The following ASIC5 variants were observed in gnomAD, a reference collection of about 807,000 sequenced individuals.
The protein encoded by ASIC5 is acid sensing ion channel subunit family member 5.
Under a neutral mutation model 51.2 loss-of-function variants are expected in ASIC5, and 52 were observed. The ratio of observed to expected loss-of-function variants is 1.02; its 90% CI spans 0.81 to 1.28. The LOEUF is 1.28. Among genes scored for constraint, ASIC5 ranks in the 50% most tolerant of loss-of-function variants. The probability of loss-of-function intolerance (pLI) is 0.00; values close to 1 mark genes in which losing one functional copy is unlikely to be tolerated. For missense variants in ASIC5, 635 were observed against 595.0 expected (o/e 1.07, Z -0.70); for synonymous variants, 231 against 200.7 (o/e 1.15, Z -1.28).
At chr4:155,851,569 TC>T (rs1460456040) in intron 4 of ASIC5, among the ~76,000 whole-genome samples, 12 of 152,056 alleles carry the variant, frequency 7.9e-5, no homozygotes, top group Middle Eastern at 3.4e-3. Context: ...AAACAAAAGG[TC>T]AGAATTAACT....
chr4:155,855,903 G>A (rs2110745092), intron 2 of ASIC5, among the ~76,000 whole-genome samples: 1 of 152,064 alleles, frequency 6.6e-6, no homozygotes, highest in African/African-American at 2.4e-5. Flanking sequence ...ATGCAGCCGG[G>A]CCTCCTCTTG....
At chr4:155,853,902 T>C (rs1482044456) in intron 3 of ASIC5, among the ~76,000 whole-genome samples, 175 bp downstream of exon 3, 1 of 152,006 alleles carries the variant, frequency 6.6e-6, no homozygotes, top group Non-Finnish European at 1.5e-5. Context: ...AGAGGAAATT[T>C]GTCTCATGTG....
In ASIC5 at chr4:155,854,315, C is replaced by T. The variant is rs946167148; in HGVS notation, c.348-1G>A. ...TTTGGCTACAGCATCTGTTTGGAAC[C>T]TATTAGCAGGAATGAAGGCAATAGT... On this transcript the variant is annotated splice_acceptor_variant, in intron 2 of 9. Transcript: ENST00000537611. LOFTEE classifies it high-confidence loss of function. 4 of 1,576,610 alleles carry T rather than the reference C, an allele frequency of 2.5e-6. No homozygotes were observed. The African/African-American group carries it at 4.1e-5, about 16-fold the overall frequency.
At chr4:155,859,708 G>A (rs1741645314) in intron 2 of ASIC5, among the ~76,000 whole-genome samples, 1 of 151,948 alleles carries the variant, frequency 6.6e-6, no homozygotes, top group Non-Finnish European at 1.5e-5. Flanking sequence ...CTATGTCTGA[G>A]TGTTCTCCTG....
intron 2 of ASIC5, among the ~76,000 whole-genome samples, chr4:155,859,161 G>T (rs1480974326): frequency 6.6e-6 from 1 of 151,966 alleles, no homozygotes; most frequent in African/African-American, 2.4e-5. Context: ...TTTCCCTTTG[G>T]CATCGTGAGT....
At chr4:155,836,911 G>A (rs1740995215) in intron 7 of ASIC5, 54 bp from the exon 8 acceptor site, 5 of 1,318,936 alleles carry the variant, frequency 3.8e-6, no homozygotes, top group Non-Finnish European at 5.3e-6. Context: ...TTCATCATGG[G>A]TAGGATAGTT....
At chr4:155,830,531 T>C (rs1740850209) in intron 9 of ASIC5, among the ~76,000 whole-genome samples, 1 of 152,214 alleles carries the variant, frequency 6.6e-6, no homozygotes, top group African/African-American at 2.4e-5. Flanking sequence ...CATTGCCTTT[T>C]TGATATTTTA....
chr4:155,846,680 G>A (rs28833593), intron 4 of ASIC5, among the ~76,000 whole-genome samples: 9,518 of 151,968 alleles, frequency 0.063, 995 homozygotes, highest in African/African-American at 0.22. Context: ...CATGACTATC[G>A]TAGTTTTCCT....
intron 4 of ASIC5, among the ~76,000 whole-genome samples, chr4:155,846,137 C>T (rs1276514699): frequency 6.6e-6 from 1 of 151,916 alleles, no homozygotes; most frequent in African/African-American, 2.4e-5. Context: ...AATTCTTTTT[C>T]AAGTTTATGT....
chr4:155,854,003 G>T (rs932080749), intron 3 of ASIC5, 74 bp downstream of exon 3: 1 of 1,120,688 alleles, frequency 8.9e-7, no homozygotes, highest in Non-Finnish European at 1.3e-6. Context: ...TAAATGCCGT[G>T]GGAGCTCAAT....
Position 155,866,196 on chromosome 4 carries a change from C to T in ASIC5, c.31G>A (p.Ala11Thr). ...TTCACTCTTTACTCACCGTTCTCAG[C>T]ATATACTTTTGATTTTTCTGTCTGC... MEQTEKSKVY[A>T]ENGLLEKIKL... is the part of the protein sequence containing the mutation. Residue 11 changes from alanine (A) to threonine (T), a missense_variant, in exon 1 of 10, where the codon GCT becomes ACT. Coordinates refer to ENST00000537611, the MANE Select transcript of ASIC5 (RefSeq NM_017419.3). The T allele has an allele frequency of 1.2e-6, 2 of 1,606,502 alleles. No homozygotes were observed. Among genetic ancestry groups the T allele is most frequent in the Non-Finnish European group, 1.7e-6 (2 of 1,173,856 alleles).
At chr4:155,859,234 C>CA (rs1194136855) in intron 2 of ASIC5, among the ~76,000 whole-genome samples, 1 of 151,992 alleles carries the variant, frequency 6.6e-6, no homozygotes, top group Non-Finnish European at 1.5e-5. Flanking sequence ...CTTTAAAAAA[C>CA]AAAAATATGT....
In ASIC5 at chr4:155,845,808, A is replaced by C. The variant is rs78727936; in HGVS notation, c.712-1978T>G. 3.5e-3 allele frequency among the ~76,000 whole-genome samples: 530 copies of C among 152,178 alleles called. 18 individuals are homozygous for C. The East Asian group carries it at 0.092, about 26-fold the overall frequency. On this transcript the variant is annotated intron_variant, in intron 4 of 9. Transcript: ENST00000537611. ...TTTTCTCTCTGTACCTTATGATATA[A>C]AGTTTGCTATTTTATTTTCACCTGA...
chr4:155,845,017 A>G (rs1741208599), intron 4 of ASIC5, among the ~76,000 whole-genome samples: 1 of 152,158 alleles, frequency 6.6e-6, no homozygotes, highest in South Asian at 2.1e-4. Context: ...ACGTGTCCCA[A>G]CTTGGTCAAA....
intron 4 of ASIC5, among the ~76,000 whole-genome samples, chr4:155,845,885 G>T (rs1019330562): frequency 4.7e-4 from 72 of 152,048 alleles, no homozygotes; most frequent in African/African-American, 1.7e-3. Context: ...CAACTGCCTA[G>T]GGTTGTAAAA....
chr4:155,843,653 C>A (rs764613933), intron 5 of ASIC5, 28 bp downstream of exon 5: 3 of 1,611,236 alleles, frequency 1.9e-6, no homozygotes, highest in Admixed American at 1.7e-5. Flanking sequence ...CACTACCCCA[C>A]CTAATTTCCT....
At chr4:155,859,104 A>T (rs1741625177) in intron 2 of ASIC5, among the ~76,000 whole-genome samples, 2 of 151,924 alleles carry the variant, frequency 1.3e-5, no homozygotes, top group African/African-American at 4.8e-5. Context: ...TCTATTTAGG[A>T]ACAAAATGGG....
chr4:155,850,053 T>A (rs1012161348), intron 4 of ASIC5, among the ~76,000 whole-genome samples: 8 of 151,824 alleles, frequency 5.3e-5, no homozygotes, highest in African/African-American at 1.9e-4. Flanking sequence ...CCATGAGAAA[T>A]CAGATGAAAA....
chr4:155,849,064 A>G (rs1360297501), intron 4 of ASIC5, among the ~76,000 whole-genome samples: 2 of 152,080 alleles, frequency 1.3e-5, no homozygotes, highest in African/African-American at 4.8e-5. Context: ...TTCACTTGTA[A>G]CAGGACACAA....
Sources: allele counts gnomAD v4.1 joint callset (sites outside exome capture counted in the v4.1 genomes callset), GRCh38; gene constraint gnomAD v4.1.1; transcripts MANE v1.5; gene names NCBI Gene and HGNC (gene_info 2026-07-23, HGNC 2026-07-21).